The following KALRN variants were observed in gnomAD, a reference collection of about 807,000 sequenced individuals.
The protein encoded by KALRN is kalirin.
In KALRN, 70 loss-of-function variants were observed where a neutral mutation model predicts 353.7. The ratio of observed to expected loss-of-function variants is 0.20; its 90% CI spans 0.16 to 0.24. The LOEUF (loss-of-function observed/expected upper bound fraction) is 0.24. KALRN is among the 10% of genes least tolerant of loss of function. The pLI is 1.00. For synonymous variants in KALRN, 1,391 were observed against 1,434.8 expected (o/e 0.97, Z 0.69); for missense variants, 2,791 against 3,756.7 (o/e 0.74, Z 6.72).
At chr3:124,408,912 A>G (rs2091882682) in intron 13 of KALRN, among the ~76,000 whole-genome samples, 2 of 152,206 alleles carry the variant, frequency 1.3e-5, no homozygotes, top group Non-Finnish European at 2.9e-5. Context: ...GCAAATTTTG[A>G]TGGCAGAATA....
intron 27 of KALRN, among the ~76,000 whole-genome samples, chr3:124,482,124 A>G (rs888603382): frequency 6.6e-6 from 1 of 152,216 alleles, no homozygotes; most frequent in Non-Finnish European, 1.5e-5. Flanking sequence ...GATGAGGGTG[A>G]TGTCCCTGGA....
intron 10 of KALRN, among the ~76,000 whole-genome samples, chr3:124,369,879 T>G (rs2149785683): frequency 1.3e-5 from 2 of 152,240 alleles, no homozygotes; most frequent in South Asian, 4.2e-4. Context: ...TATCTTGCTG[T>G]GCCTGGCATA....
chr3:124,524,382 G>A (rs1323301615), intron 33 of KALRN, among the ~76,000 whole-genome samples: 1 of 152,146 alleles, frequency 6.6e-6, no homozygotes, highest in African/African-American at 2.4e-5. Context: ...GGTAAACAGG[G>A]AGCAGTATAG....
At chr3:124,235,513 G>T (rs1171165358) in intron 3 of KALRN, among the ~76,000 whole-genome samples, 1 of 70,700 alleles carries the variant, frequency 1.4e-5, no homozygotes, top group Admixed American at 1.5e-4. Context: ...TGAGACGGAA[G>T]AGAAGAGAGC....
At chr3:124,081,278 G>A (rs945927170) in intron 1 of KALRN, among the ~76,000 whole-genome samples, 1 of 152,172 alleles carries the variant, frequency 6.6e-6, no homozygotes, top group African/African-American at 2.4e-5. Context: ...CTCCATGCAA[G>A]AGTGTATTCA....
intron 31 of KALRN, among the ~76,000 whole-genome samples, 166 bp from the exon 32 acceptor site, chr3:124,492,574 G>A (rs2063284194): frequency 6.6e-6 from 1 of 152,172 alleles, no homozygotes; most frequent in African/African-American, 2.4e-5. Context: ...AGTTGGAGAA[G>A]CCTGTTTCTG....
chr3:124,051,116 T>G (rs1221088633), intron 1 of KALRN, among the ~76,000 whole-genome samples: 1 of 152,224 alleles, frequency 6.6e-6, no homozygotes, highest in Non-Finnish European at 1.5e-5. Flanking sequence ...TATGTGCATG[T>G]AAACATGCAA....
intron 1 of KALRN, chr3:124,152,003 C>G (rs1353048721): frequency 1.4e-6 from 2 of 1,481,268 alleles, no homozygotes; most frequent in Non-Finnish European, 1.9e-6. Flanking sequence ...CTCCCTGTTG[C>G]CAGCATCTCC....
Position 124,637,380 on chromosome 3 carries a change from T to A in KALRN, c.5664+77T>A. 5.6e-6 allele frequency: 6 copies of A among 1,077,834 alleles called. No homozygotes were observed. The South Asian group carries it at 7.5e-5, about 13-fold the overall frequency. The allele number at this position is 1,077,834 out of a possible 1,614,324, so 66.8% of individuals were successfully genotyped here. ...TCCAGGCTTGCATCTGTCTGCCGTT[T>A]TCTCCTTTGCACCTGTCCTCATTCT... On this transcript the variant is annotated intron_variant, in intron 37 of 59. Coordinates refer to ENST00000682506, the MANE Select transcript of KALRN (RefSeq NM_001388419.1).
rs1376357870 is a variant in KALRN, at chr3:124,040,745, T to C, written c.73+6932T>C. ...TGAGAGTATTAAGTAGGAAAAAACA[T>C]GTATGGAGCATCTAGTGGTCTCTGA... On this transcript the variant is annotated intron_variant, in intron 1 of 59. Transcript: ENST00000682506. 4.6e-5 allele frequency among the ~76,000 whole-genome samples: 7 copies of C among 152,298 alleles called. No individual in the cohort carries two copies. In the East Asian group the frequency reaches 1.3e-3, roughly 29 times the overall value.
At chr3:124,521,349 A>C (rs1001889016) in intron 33 of KALRN, among the ~76,000 whole-genome samples, 1 of 152,250 alleles carries the variant, frequency 6.6e-6, no homozygotes, top group Non-Finnish European at 1.5e-5. Flanking sequence ...GAGTGGATAT[A>C]TAAATACAAC....
At chr3:124,068,051 C>G (rs2042522597) in intron 1 of KALRN, among the ~76,000 whole-genome samples, 1 of 152,230 alleles carries the variant, frequency 6.6e-6, no homozygotes, top group Admixed American at 6.5e-5. Context: ...TAGACTTACA[C>G]AGAGGAACAA....
chr3:124,304,206 C>T (rs2077499692), intron 6 of KALRN, among the ~76,000 whole-genome samples: 1 of 151,834 alleles, frequency 6.6e-6, no homozygotes, highest in Admixed American at 6.6e-5. Context: ...GCCATAGCTG[C>T]AAAGTCCCTT....
intron 1 of KALRN, among the ~76,000 whole-genome samples, chr3:124,169,264 T>C (rs1271388627): frequency 6.6e-6 from 1 of 151,804 alleles, no homozygotes; most frequent in Non-Finnish European, 1.5e-5. Context: ...CTATGGAGAG[T>C]CCATGCTTAA....
At chr3:124,339,754 A>C (rs2081498679) in intron 9 of KALRN, among the ~76,000 whole-genome samples, 1 of 152,188 alleles carries the variant, frequency 6.6e-6, no homozygotes, top group African/African-American at 2.4e-5. Flanking sequence ...TGGCTTTCTA[A>C]ATGTAGGGGG....
chr3:124,480,028 A>G (rs2061829817), intron 27 of KALRN, among the ~76,000 whole-genome samples: 1 of 152,150 alleles, frequency 6.6e-6, no homozygotes, highest in Admixed American at 6.5e-5. Flanking sequence ...CGGCCGATCC[A>G]GAATGTTTGA....
intron 1 of KALRN, among the ~76,000 whole-genome samples, chr3:124,045,866 G>C (rs755894278): frequency 6.6e-6 from 1 of 152,170 alleles, no homozygotes; most frequent in Non-Finnish European, 1.5e-5. Context: ...CCGGATGGGC[G>C]TGGGGAAGAT....
chr3:124,151,992 C>T (rs1350454881), intron 1 of KALRN: 48 of 1,468,514 alleles, frequency 3.3e-5, no homozygotes, highest in Non-Finnish European at 4.2e-5. Context: ...TTGATCTGGT[C>T]CTCCCTGTTG....
At chr3:124,514,542 C>T (rs556597411) in intron 33 of KALRN, among the ~76,000 whole-genome samples, 1 of 152,358 alleles carries the variant, frequency 6.6e-6, no homozygotes, top group African/African-American at 2.4e-5. Flanking sequence ...CATGTACTCT[C>T]TCCTGTCATT....
Sources: allele counts gnomAD v4.1 joint callset (sites outside exome capture counted in the v4.1 genomes callset), GRCh38; gene constraint gnomAD v4.1.1; transcripts MANE v1.5; gene names NCBI Gene and HGNC (gene_info 2026-07-23, HGNC 2026-07-21).